The following FMN2 variants were observed in gnomAD, a reference collection of about 807,000 sequenced individuals.
FMN2 encodes formin-2.
A neutral mutation model predicts 142.3 loss-of-function variants in FMN2; 51 were observed. That is an observed-to-expected ratio of 0.36 (90% CI 0.29 to 0.45). The LOEUF is 0.45. FMN2 is among the 20% of genes least tolerant of loss of function. The pLI is 1.00. For missense variants in FMN2, 1,936 were observed against 2,122.8 expected, an observed-to-expected ratio of 0.91 and a Z score of 1.73; for synonymous variants, 882 against 869.8, an observed-to-expected ratio of 1.01 and a Z score of -0.25.
chr1:240,280,887 C>T (rs1669374121), intron 7 of FMN2, among the ~76,000 whole-genome samples: 1 of 152,078 alleles, frequency 6.6e-6, no homozygotes, highest in African/African-American at 2.4e-5. Flanking sequence ...ATCAACAAAC[C>T]TCTCCAAAAA....
intron 7 of FMN2, among the ~76,000 whole-genome samples, chr1:240,265,760 TATTGAGTTCTG>T (rs1429215568): frequency 6.6e-6 from 1 of 152,118 alleles, no homozygotes; most frequent in African/African-American, 2.4e-5. Context: ...TTCAAAAGGC[TATTGAGTTCTG>T]ATTGTACACA....
At chr1:240,204,376 G>A (rs919589463) in intron 4 of FMN2, among the ~76,000 whole-genome samples, 2 of 152,148 alleles carry the variant, frequency 1.3e-5, no homozygotes, top group African/African-American at 4.8e-5. Context: ...GAGCTGGGAG[G>A]GTGGCTTAAG....
chr1:240,310,256 AT>A (rs1670557499), intron 8 of FMN2, among the ~76,000 whole-genome samples: 1 of 152,238 alleles, frequency 6.6e-6, no homozygotes, highest in Non-Finnish European at 1.5e-5. Context: ...TTTCCCATAA[AT>A]ACAACACACT....
Position 240,097,620 on chromosome 1 carries a change from G to T in FMN2, c.1615+3896G>T, listed in dbSNP as rs141689731. 8.1e-3 allele frequency among the ~76,000 whole-genome samples: 1,233 copies of T among 152,290 alleles called. 16 individuals carry two copies. The highest frequency in any genetic ancestry group is 0.028 in the African/African-American group (1,146 of 41,554). The stretch of plus-strand genomic sequence containing the variant: ...TCCGCCCGCCTCGGCCGCCCAAAGT[G>T]CTGGGATTACAGGCGTGAGCCACCG... On this transcript the variant is annotated intron_variant, in intron 1 of 17. Coordinates refer to ENST00000319653, the MANE Select transcript of FMN2 (RefSeq NM_020066.5).
intron 14 of FMN2, among the ~76,000 whole-genome samples, chr1:240,374,334 G>A (rs1672971739): frequency 6.6e-6 from 1 of 152,218 alleles, no homozygotes; most frequent in Non-Finnish European, 1.5e-5. Context: ...AATTCAGCCT[G>A]TCCTTTGAAG....
chr1:240,208,918 A>G (rs1325199116), intron 5 of FMN2, among the ~76,000 whole-genome samples, 186 bp downstream of exon 5: 1 of 152,220 alleles, frequency 6.6e-6, no homozygotes, highest in Non-Finnish European at 1.5e-5. Flanking sequence ...CTCCAGAAGT[A>G]CCAAAGATGT....
intron 1 of FMN2, among the ~76,000 whole-genome samples, chr1:240,119,852 T>G (rs1662165704): frequency 6.6e-6 from 1 of 152,206 alleles, no homozygotes; most frequent in African/African-American, 2.4e-5. Flanking sequence ...TCATATACAT[T>G]ATCTGAGCGG....
intron 10 of FMN2, among the ~76,000 whole-genome samples, chr1:240,330,295 A>G (rs973768806): frequency 2.0e-5 from 3 of 152,186 alleles, no homozygotes; most frequent in African/African-American, 7.2e-5. Context: ...TAGTTATCAT[A>G]TAGCCTTTGT....
intron 3 of FMN2, among the ~76,000 whole-genome samples, chr1:240,183,814 A>G (rs974088613): frequency 2.6e-4 from 40 of 152,330 alleles, no homozygotes; most frequent in Middle Eastern, 3.4e-3. Flanking sequence ...GCAGCCAATC[A>G]TAAGTCATGC....
In FMN2 at chr1:240,459,717, T is replaced by TAAAAAAAAAAA. The variant is rs57065226; in HGVS notation, c.5061-12627_5061-12617dup. 5.2e-4 allele frequency among the ~76,000 whole-genome samples: 35 copies of TAAAAAAAAAAA among 67,124 alleles called. 2 individuals carry two copies. Among genetic ancestry groups the TAAAAAAAAAAA allele is most frequent in the African/African-American group, 7.2e-4 (14 of 19,482 alleles). The allele number at this position is 67,124 out of a possible 152,430, so 44.0% of individuals were successfully genotyped here. On this transcript the variant is annotated intron_variant, in intron 16 of 17. Coordinates refer to ENST00000319653, the MANE Select transcript of FMN2 (RefSeq NM_020066.5). ...GGGTGACAGAACAAGACTCTGTCTC[T>TAAAAAAAAAAA]AAAAAAAAAAAAAAAAAAAAAAAAA...
intron 15 of FMN2, among the ~76,000 whole-genome samples, chr1:240,429,210 C>A (rs188499995): frequency 3.3e-4 from 50 of 152,142 alleles, no homozygotes; most frequent in African/African-American, 4.1e-4. Flanking sequence ...TTATTAATAT[C>A]TTTTAGCCTG....
chr1:240,266,891 T>C (rs1668832185), intron 7 of FMN2, among the ~76,000 whole-genome samples: 1 of 152,110 alleles, frequency 6.6e-6, no homozygotes, highest in Admixed American at 6.6e-5. Flanking sequence ...GCCAACCATT[T>C]GTAGAAGAAT....
At chr1:240,262,339 A>G (rs569988666) in intron 7 of FMN2, among the ~76,000 whole-genome samples, 1 of 152,214 alleles carries the variant, frequency 6.6e-6, no homozygotes, top group East Asian at 1.9e-4. Context: ...TAGCATGGTA[A>G]TTATATCTTG....
chr1:240,189,218 A>T (rs1048550370), intron 4 of FMN2, among the ~76,000 whole-genome samples: 2 of 151,854 alleles, frequency 1.3e-5, no homozygotes, highest in African/African-American at 4.8e-5. Flanking sequence ...TGGAATAGTA[A>T]TTGTGGATAG....
intron 2 of FMN2, chr1:240,143,691 G>A: frequency 1.9e-6 from 3 of 1,602,338 alleles, no homozygotes; most frequent in Non-Finnish European, 2.6e-6. Context: ...CCAGGTGATT[G>A]AGACCCAGTC....
In FMN2 at chr1:240,473,706, G is replaced by A. The variant is rs1277680086; in HGVS notation, c.5143-422G>A. Among the ~76,000 whole-genome samples the A allele has an allele frequency of 2.0e-5, 3 of 152,112 alleles. No homozygotes were observed. Among genetic ancestry groups the A allele is most frequent in the East Asian group, 3.9e-4 (2 of 5,174 alleles). Reference sequence around the variant, plus strand: ...CTCCTGATGATTCAGTCTTATAACTGTATTGAATGTGGAGGAATAGTTACT... The same window carrying A: ...CTCCTGATGATTCAGTCTTATAACTATATTGAATGTGGAGGAATAGTTACT... On this transcript the variant is annotated intron_variant, in intron 17 of 17. Coordinates refer to ENST00000319653, the MANE Select transcript of FMN2 (RefSeq NM_020066.5). This position sits in a 1 kb window ranked among gnomAD's most constrained non-coding sequence, Gnocchi z 4.3.
chr1:240,200,613 G>A (rs972452401), intron 4 of FMN2, among the ~76,000 whole-genome samples: 2 of 152,130 alleles, frequency 1.3e-5, no homozygotes, highest in African/African-American at 2.4e-5. Context: ...GGTTTGAGAT[G>A]CGCTTAGTTG....
Position 240,273,834 on chromosome 1 carries a change from A to G in FMN2, c.4153+15802A>G, listed in dbSNP as rs182699831. ...CTCTCAGGTGTTGGGGGATCTCTCT[A>G]TGCCAACTTCTGTGCCAAGTAGAGA... On this transcript the variant is annotated intron_variant, in intron 7 of 17. Coordinates refer to ENST00000319653, the MANE Select transcript of FMN2 (RefSeq NM_020066.5). Among the ~76,000 whole-genome samples, 576 of 152,166 alleles carry G rather than the reference A, an allele frequency of 3.8e-3. 2 individuals are homozygous for G. The highest frequency in any genetic ancestry group is 0.014 in the African/African-American group (563 of 41,524).
intron 14 of FMN2, among the ~76,000 whole-genome samples, chr1:240,360,613 T>C (rs1243804831): frequency 6.6e-6 from 1 of 152,142 alleles, no homozygotes; most frequent in East Asian, 1.9e-4. Context: ...GGACAAGTCT[T>C]TTTAGTGACT....
Sources: allele counts gnomAD v4.1 joint callset (sites outside exome capture counted in the v4.1 genomes callset), GRCh38; gene constraint gnomAD v4.1.1; non-coding constraint Gnocchi (gnomAD v3.1); transcripts MANE v1.5; gene names NCBI Gene and HGNC (gene_info 2026-07-23, HGNC 2026-07-21).